Variants in PARM1 observed in about 807,000 individuals in gnomAD.
PARM1 encodes prostate androgen-regulated mucin-like protein 1, also known as WSC4, cell wall integrity and stress response component 4 homolog.
In PARM1, 14 loss-of-function variants were observed where a neutral mutation model predicts 24.6. That is an observed-to-expected ratio of 0.57 (90% CI 0.38 to 0.89). The LOEUF (loss-of-function observed/expected upper bound fraction) is 0.89. Ranked by LOEUF, PARM1 falls within the 40% of genes least tolerant of loss-of-function variation. The pLI, the probability that PARM1 is intolerant of heterozygous loss-of-function variation, is 0.00. For missense variants in PARM1, 362 were observed against 380.4 expected, an observed-to-expected ratio of 0.95 and a Z score of 0.40; for synonymous variants, 179 against 156.6, an observed-to-expected ratio of 1.14 and a Z score of -1.07.
At chr4:74,940,513 TG>T (rs1222954742) in intron 1 of PARM1, among the ~76,000 whole-genome samples, 1 of 152,214 alleles carries the variant, frequency 6.6e-6, no homozygotes, top group African/African-American at 2.4e-5. Flanking sequence ...GGCAGCCCTC[TG>T]GGGCCTCTTT....
At chr4:75,029,155 G>A (rs1236676812) in intron 2 of PARM1, among the ~76,000 whole-genome samples, 2 of 152,146 alleles carry the variant, frequency 1.3e-5, no homozygotes, top group Non-Finnish European at 2.9e-5. Context: ...TGCCACAGTT[G>A]ATTCCTGGAC....
At chr4:75,002,145 A>G (rs1722694055) in intron 1 of PARM1, among the ~76,000 whole-genome samples, 1 of 152,248 alleles carries the variant, frequency 6.6e-6, no homozygotes, top group African/African-American at 2.4e-5. Context: ...AGGTAGAGAC[A>G]TCAGGAAAAG....
intron 1 of PARM1, among the ~76,000 whole-genome samples, chr4:74,940,462 G>T (rs1269132380): frequency 6.6e-6 from 1 of 152,194 alleles, no homozygotes; most frequent in Non-Finnish European, 1.5e-5. Flanking sequence ...CTGTCTTTCT[G>T]GTTCACTAGC....
chr4:74,980,372 T>A (rs760808501), intron 1 of PARM1, among the ~76,000 whole-genome samples: 123 of 152,112 alleles, frequency 8.1e-4, no homozygotes, highest in African/African-American at 2.9e-3. Context: ...CACAATTGCT[T>A]CAAAGAGAAT....
chr4:75,009,804 A>G (rs959663114), intron 1 of PARM1, among the ~76,000 whole-genome samples: 1 of 152,212 alleles, frequency 6.6e-6, no homozygotes, highest in Non-Finnish European at 1.5e-5. Context: ...GGAAACAGCA[A>G]TGAGTAAGAC....
Position 75,000,210 on chromosome 4 carries a change from GT to G in PARM1, c.44-12213del, listed in dbSNP as rs1179271088. 2.6e-5 allele frequency among the ~76,000 whole-genome samples: 4 copies of G among 152,180 alleles called. No homozygotes were observed. The East Asian group carries it at 7.7e-4, about 29-fold the overall frequency. On this transcript the variant is annotated intron_variant, in intron 1 of 3. Coordinates refer to ENST00000307428, the MANE Select transcript of PARM1 (RefSeq NM_015393.4). The stretch of plus-strand genomic sequence containing the variant: ...AAGAGTTGAGAGCCTTTGGGCCCAG[GT>G]TCCAATTAGACAGAGGTTAACATAG...
intron 1 of PARM1, among the ~76,000 whole-genome samples, chr4:75,012,094 AT>A (rs1722881307): frequency 6.6e-6 from 1 of 152,146 alleles, no homozygotes; most frequent in African/African-American, 2.4e-5. Context: ...GTTCCCATAA[AT>A]CAATTCTCCA....
chr4:75,006,130 G>A (rs2109789966), intron 1 of PARM1, among the ~76,000 whole-genome samples: 1 of 152,268 alleles, frequency 6.6e-6, no homozygotes. Context: ...AAGGTGTATG[G>A]AGGCATGACT....
At chr4:75,031,223 G>A (rs1223097796) in intron 2 of PARM1, among the ~76,000 whole-genome samples, 1 of 152,226 alleles carries the variant, frequency 6.6e-6, no homozygotes, top group East Asian at 1.9e-4. Context: ...CCACTGAGAA[G>A]AGCCAGTGGG....
At chr4:74,998,397 GTCT>G (rs1722614956) in intron 1 of PARM1, among the ~76,000 whole-genome samples, 1 of 152,170 alleles carries the variant, frequency 6.6e-6, no homozygotes, top group African/African-American at 2.4e-5. Flanking sequence ...CAAATTAAAA[GTCT>G]AAAAGCTTCT....
intron 2 of PARM1, among the ~76,000 whole-genome samples, chr4:75,015,796 C>T (rs1434637246): frequency 6.6e-6 from 1 of 152,132 alleles, no homozygotes; most frequent in African/African-American, 2.4e-5. Context: ...GCCCAGGGCC[C>T]AGAGCTCTAA....
intron 1 of PARM1, among the ~76,000 whole-genome samples, chr4:74,990,481 G>C (rs940712085): frequency 6.6e-6 from 1 of 152,122 alleles, no homozygotes; most frequent in African/African-American, 2.4e-5. Context: ...ACAACACAGA[G>C]CTGGCCAGAG....
chr4:75,026,472 G>A (rs1019029805), intron 2 of PARM1, among the ~76,000 whole-genome samples: 13 of 152,112 alleles, frequency 8.5e-5, no homozygotes, highest in African/African-American at 2.7e-4. Flanking sequence ...AAATAAAACA[G>A]CAAATGTCTA....
At chr4:75,021,514 A>G (rs931032876) in intron 2 of PARM1, among the ~76,000 whole-genome samples, 1 of 151,550 alleles carries the variant, frequency 6.6e-6, no homozygotes, top group East Asian at 1.9e-4. Context: ...ACATGGGTAA[A>G]TTGTGTGTCA....
At chr4:74,998,751 A>T (rs986320821) in intron 1 of PARM1, among the ~76,000 whole-genome samples, 1 of 152,220 alleles carries the variant, frequency 6.6e-6, no homozygotes, top group African/African-American at 2.4e-5. Context: ...CCAATAATTG[A>T]CTTCCCTTCT....
At chr4:74,986,760 C>T (rs938572679) in intron 1 of PARM1, among the ~76,000 whole-genome samples, 2 of 152,080 alleles carry the variant, frequency 1.3e-5, no homozygotes, top group African/African-American at 4.8e-5. Flanking sequence ...AAAAAAATGA[C>T]CTTCCTCATA....
intron 1 of PARM1, among the ~76,000 whole-genome samples, chr4:74,937,503 A>G (rs1199489593): frequency 6.6e-6 from 1 of 152,232 alleles, no homozygotes; most frequent in Admixed American, 6.5e-5. Flanking sequence ...TTTACTACTT[A>G]CTAATTATGT....
chr4:75,023,026 T>A (rs943458819), intron 2 of PARM1, among the ~76,000 whole-genome samples: 7 of 152,204 alleles, frequency 4.6e-5, no homozygotes, highest in African/African-American at 1.7e-4. Flanking sequence ...ATTGTCAGAC[T>A]CATGGCCTTC....
chr4:74,982,874 A>G (rs1243849424), intron 1 of PARM1, among the ~76,000 whole-genome samples: 2 of 152,210 alleles, frequency 1.3e-5, no homozygotes, highest in African/African-American at 2.4e-5. Flanking sequence ...CCTTCAGTCA[A>G]TCAGCTCACT....
Sources: gnomAD v4.1 joint callset for allele counts (sites outside exome capture counted in the v4.1 genomes callset) on GRCh38, gnomAD v4.1.1 for gene constraint, MANE v1.5 for transcripts, NCBI Gene and HGNC (gene_info 2026-07-23, HGNC 2026-07-21) for gene names.